Variants in ATXN2 observed in about 807,000 individuals in gnomAD.
The protein encoded by ATXN2 is ataxin 2, also known as ataxin-2.
Under a neutral mutation model 138.6 loss-of-function variants are expected in ATXN2, and 37 were observed. The observed-to-expected ratio is 0.27, with a 90% CI of 0.21 to 0.35. The LOEUF (loss-of-function observed/expected upper bound fraction) is 0.35, where lower values mean the gene tolerates loss of function less well. Among genes scored for constraint, ATXN2 ranks in the 10% least tolerant of loss-of-function variants. ATXN2 has a pLI of 1.00. For missense variants in ATXN2, 1,216 were observed against 1,480.3 expected, an observed-to-expected ratio of 0.82 and a Z score of 2.93; for synonymous variants, 549 against 543.7, an observed-to-expected ratio of 1.01 and a Z score of -0.13.
At chr12:111,543,763 G>A (rs1881660409) in intron 5 of ATXN2, among the ~76,000 whole-genome samples, 1 of 152,140 alleles carries the variant, frequency 6.6e-6, no homozygotes, top group South Asian at 2.1e-4. Context: ...TGAACTCCCT[G>A]AAGAAACTGT....
chr12:111,576,000 T>C (rs1283366997), intron 1 of ATXN2, among the ~76,000 whole-genome samples: 44 of 151,984 alleles, frequency 2.9e-4, no homozygotes. Context: ...GAGAATCACT[T>C]GAACCTGGGA....
chr12:111,546,838 A>G (rs561508201), intron 5 of ATXN2, among the ~76,000 whole-genome samples: 1 of 152,210 alleles, frequency 6.6e-6, no homozygotes, highest in Non-Finnish European at 1.5e-5. Flanking sequence ...AATAAAGGAT[A>G]AATACAAACT....
chr12:111,563,705 A>G (rs1882826726), intron 1 of ATXN2, among the ~76,000 whole-genome samples: 1 of 152,176 alleles, frequency 6.6e-6, no homozygotes, highest in Non-Finnish European at 1.5e-5. Flanking sequence ...TAAAAGTCTA[A>G]AATTATGTTT....
At chr12:111,529,163 TACAATGTTGTAACCA>T (rs1880668475) in intron 5 of ATXN2, among the ~76,000 whole-genome samples, 1 of 151,940 alleles carries the variant, frequency 6.6e-6, no homozygotes, top group African/African-American at 2.4e-5. Flanking sequence ...TAGTAAATAG[TACAATGTTGTAACCA>T]GGATTCCTGC....
At position 111,598,883 on chromosome 12, in the gene ATXN2, G is replaced by A. The variant is rs1317569123; in HGVS notation, c.152C>T (p.Ala51Val). The change falls in exon 1 of 25, where the codon GCG (alanine) becomes GTG (valine). Residue 51 changes from alanine to valine, a missense_variant. This residue lies in a region of ATXN2 where 110 missense variants were observed against 88.7 expected (regional missense o/e 1.24). Coordinates refer to ENST00000673436, the MANE Select transcript of ATXN2 (RefSeq NM_001372574.1). The surrounding 1 kb of genome is among the most constrained non-coding windows in gnomAD (Gnocchi z 4.5). Reference sequence around the variant, plus strand: ...GACCGAGGACGAGGACGGCGAAGGCGCGGCGGCGGGCGACGCTAGAAGGCC... The same window carrying A: ...GACCGAGGACGAGGACGGCGAAGGCACGGCGGCGGGCGACGCTAGAAGGCC... ...GSGLLASPAA[A>V]PSPSSSSVSS... 6 of 1,497,252 alleles carry A rather than the reference G, an allele frequency of 4.0e-6. No individual in the cohort carries two copies. The highest frequency in any genetic ancestry group is 2.5e-5 in the South Asian group (2 of 80,580). 92.7% of individuals were successfully genotyped at this position (1,497,252 alleles called of 1,614,324 possible).
chr12:111,597,737 G>C, intron 1 of ATXN2: 2 of 741,120 alleles, frequency 2.7e-6, no homozygotes, highest in Non-Finnish European at 4.1e-6. Flanking sequence ...AAAGACGCTA[G>C]TAAACACCCG....
At chr12:111,573,965 T>G (rs1883483895) in intron 1 of ATXN2, among the ~76,000 whole-genome samples, 1 of 151,596 alleles carries the variant, frequency 6.6e-6, no homozygotes, top group South Asian at 2.1e-4. Context: ...TAGAAAAAAT[T>G]TAATAATAAA....
Position 111,510,528 on chromosome 12 carries a change from A to G in ATXN2, c.1613T>C (p.Ile538Thr), listed in dbSNP as rs2135729608. 6.2e-7 allele frequency: 1 copy of G among 1,614,076 alleles called. No individual in the cohort carries two copies. Among genetic ancestry groups the G allele is most frequent in the Non-Finnish European group, 8.5e-7 (1 of 1,179,962 alleles). Reference protein sequence around the residue: ...HRPRSPRQNSIGNTPSGPVLA... With the variant: ...HRPRSPRQNSTGNTPSGPVLA... ...AACTGGCCCACTGGGGGTATTTCCA[A>G]TACTGTTCTGTCTGGGAGACCTGGG... Residue 538 changes from isoleucine (I) to threonine (T), a missense_variant, in exon 12 of 25, where the codon ATT (isoleucine) becomes ACT (threonine). This residue lies in a region of ATXN2 where 215 missense variants were observed against 210.0 expected (regional missense o/e 1.02). Transcript: ENST00000673436.
chr12:111,582,143 G>A (rs1035324441), intron 1 of ATXN2, among the ~76,000 whole-genome samples: 1 of 152,074 alleles, frequency 6.6e-6, no homozygotes, highest in Admixed American at 6.6e-5. Flanking sequence ...AAACCAGCCC[G>A]GGTAACAGTG....
At position 111,453,279 on chromosome 12, in the gene ATXN2, C is replaced by G; in HGVS notation, c.3439+398G>C. 9.4e-7 allele frequency: 1 copy of G among 1,060,152 alleles called. No homozygotes were observed. Among genetic ancestry groups the G allele is most frequent in the South Asian group, 4.0e-5 (1 of 25,156 alleles). The allele number at this position is 1,060,152 out of a possible 1,614,324, so 65.7% of individuals were successfully genotyped here. A position where few individuals can be genotyped will look rare whatever the true frequency, so the allele number is the denominator to read the frequency against. On this transcript the variant is annotated intron_variant, in intron 24 of 24. Coordinates refer to ENST00000673436, the MANE Select transcript of ATXN2 (RefSeq NM_001372574.1). This position sits in a 1 kb window ranked among gnomAD's most constrained non-coding sequence, Gnocchi z 5.4. ...CAGTCCATCCACAGCGCTTTCTCAG[C>G]AGTATCTTCTCCAGAGCTACAATCA...
At chr12:111,599,341 G>A (rs2135864976), upstream of ATXN2, 3 of 1,141,064 alleles carry the variant, frequency 2.6e-6, no homozygotes, top group East Asian at 4.2e-5. Context: ...GGCCGGGGCC[G>A]GGCGGGGGAG....
chr12:111,599,096 A>C lies in ATXN2; in HGVS notation c.-62T>G. Reference sequence around the variant, plus strand: ...GGGACAGCCGGGAGCCGGGCGCGCCAAGGAGACGCCGGAACGCGGCGGGGA... The same window carrying C: ...GGGACAGCCGGGAGCCGGGCGCGCCCAGGAGACGCCGGAACGCGGCGGGGA... On this transcript the variant is annotated 5_prime_UTR_variant, in exon 1 of 25. Transcript: ENST00000673436. 2 of 1,327,886 alleles carry C rather than the reference A, an allele frequency of 1.5e-6. No individual in the cohort carries two copies. The highest frequency in any genetic ancestry group is 1.9e-6 in the Non-Finnish European group (2 of 1,037,986). 82.3% of individuals were successfully genotyped at this position (1,327,886 alleles called of 1,614,324 possible).
intron 14 of ATXN2, among the ~76,000 whole-genome samples, chr12:111,499,547 T>C (rs1048571436): frequency 1.3e-5 from 2 of 150,292 alleles, no homozygotes; most frequent in African/African-American, 2.5e-5. Flanking sequence ...CTACTAAAAA[T>C]ACAAAAATTA....
intron 1 of ATXN2, among the ~76,000 whole-genome samples, chr12:111,595,088 T>C (rs1884869592): frequency 6.6e-6 from 1 of 152,156 alleles, no homozygotes; most frequent in African/African-American, 2.4e-5. Context: ...CCACAATATT[T>C]GACAAACTAC....
At chr12:111,558,624 C>G (rs1372610073) in intron 1 of ATXN2, among the ~76,000 whole-genome samples, 3 of 152,018 alleles carry the variant, frequency 2.0e-5, no homozygotes, top group Admixed American at 2.0e-4. Flanking sequence ...AAAGCAAAAC[C>G]CTGTTTCTAC....
chr12:111,494,221 C>A (rs1470722554), intron 14 of ATXN2, among the ~76,000 whole-genome samples: 1 of 151,968 alleles, frequency 6.6e-6, no homozygotes, highest in African/African-American at 2.4e-5. Flanking sequence ...TGAACCACTG[C>A]GCCTGGCTTA....
chr12:111,549,924 T>C (rs1287780266), intron 5 of ATXN2, among the ~76,000 whole-genome samples: 1 of 151,872 alleles, frequency 6.6e-6, no homozygotes, highest in Non-Finnish European at 1.5e-5. Flanking sequence ...TAGCCGGGCA[T>C]GGTGGCACAT....
At chr12:111,542,069 A>T (rs1324188341) in intron 5 of ATXN2, among the ~76,000 whole-genome samples, 1 of 150,110 alleles carries the variant, frequency 6.7e-6, no homozygotes, top group Non-Finnish European at 1.5e-5. Flanking sequence ...TGCCCGGCCA[A>T]AACTGAATAT....
At chr12:111,534,212 C>T (rs1268850543) in intron 5 of ATXN2, among the ~76,000 whole-genome samples, 1 of 151,960 alleles carries the variant, frequency 6.6e-6, no homozygotes, top group Non-Finnish European at 1.5e-5. Context: ...CCAACCTGGG[C>T]AACACGGCAA....
Sources: allele counts gnomAD v4.1 joint callset (sites outside exome capture counted in the v4.1 genomes callset), GRCh38; gene constraint gnomAD v4.1.1; regional missense constraint gnomAD v4.1.1; non-coding constraint Gnocchi (gnomAD v3.1); transcripts MANE v1.5; gene names NCBI Gene and HGNC (gene_info 2026-07-23, HGNC 2026-07-21).